The following AFAP1 variants were observed in gnomAD, a reference collection of about 807,000 sequenced individuals.
AFAP1 encodes the protein actin filament-associated protein 1.
Under a neutral mutation model 93.9 loss-of-function variants are expected in AFAP1, and 75 were observed. The ratio of observed to expected loss-of-function variants is 0.80; its 90% confidence interval spans 0.66 to 0.97. The LOEUF (loss-of-function observed/expected upper bound fraction) is 0.97. AFAP1 is among the 50% of genes least tolerant of loss of function. The probability of loss-of-function intolerance (pLI) is 0.00; values close to 1 mark genes in which losing one functional copy is unlikely to be tolerated. For missense variants in AFAP1, 1,201 were observed against 1,050.8 expected (o/e 1.14, Z -1.98); for synonymous variants, 517 against 430.7 (o/e 1.20, Z -2.48).
chr4:7,934,207 A>G (rs1721254646), intron 1 of AFAP1, among the ~76,000 whole-genome samples: 2 of 152,188 alleles, frequency 1.3e-5, no homozygotes, highest in African/African-American at 4.8e-5. Flanking sequence ...AAACCTCCCA[A>G]TGCTTGTCTT....
chr4:7,933,286 C>T (rs113450235), intron 1 of AFAP1, among the ~76,000 whole-genome samples: 3,755 of 151,994 alleles, frequency 0.025, 147 homozygotes, highest in African/African-American at 0.084. Flanking sequence ...TTTAAGAGCA[C>T]AGAACTGGCC....
chr4:7,889,090 C>A (rs910316921), intron 1 of AFAP1, among the ~76,000 whole-genome samples: 1 of 152,116 alleles, frequency 6.6e-6, no homozygotes, highest in African/African-American at 2.4e-5. Context: ...TTGTGCCTGC[C>A]ATTAACAAAA....
chr4:7,789,992 G>A (rs1479923389), intron 11 of AFAP1, among the ~76,000 whole-genome samples: 1 of 152,182 alleles, frequency 6.6e-6, no homozygotes, highest in Non-Finnish European at 1.5e-5. Flanking sequence ...TTTCCTGGGA[G>A]AATCTCCATT....
At chr4:7,848,002 T>C (rs181281124) in intron 4 of AFAP1, among the ~76,000 whole-genome samples, 1 of 151,278 alleles carries the variant, frequency 6.6e-6, no homozygotes, top group East Asian at 2.0e-4. Context: ...GATACATGGA[T>C]GGATAGACAG....
At chr4:7,769,199 G>A (rs968845585) in intron 16 of AFAP1, among the ~76,000 whole-genome samples, 191 bp from the exon 17 acceptor site, 2 of 152,214 alleles carry the variant, frequency 1.3e-5, no homozygotes, top group Admixed American at 6.5e-5. Flanking sequence ...CGGCCGGGGG[G>A]CAGAGGCTCC....
chr4:7,772,582 C>G (rs542123635), intron 16 of AFAP1: 4 of 527,970 alleles, frequency 7.6e-6, no homozygotes, highest in East Asian at 6.3e-5. Flanking sequence ...GGGAAAGACA[C>G]AGACTCAGCA....
At chr4:7,872,707 T>A (rs1717150407) in intron 1 of AFAP1, among the ~76,000 whole-genome samples, 1 of 152,102 alleles carries the variant, frequency 6.6e-6, no homozygotes, top group Admixed American at 6.5e-5. Flanking sequence ...TAGATGATGA[T>A]CTTAGCCTCT....
chr4:7,808,056 T>C (rs1358053180), intron 9 of AFAP1, among the ~76,000 whole-genome samples: 1 of 152,212 alleles, frequency 6.6e-6, no homozygotes, highest in Non-Finnish European at 1.5e-5. Flanking sequence ...ACCTTGGATA[T>C]AACGGGTGCT....
rs10937862 is a variant in AFAP1 at position 7,795,195 on chromosome 4, A to C, written c.1267-1369T>G. ...TTTTATGTTGAGAAATTGGCTAGTG[A>C]TATTTTCCATATAACAAATCATTAC... is the stretch of plus-strand genomic sequence containing the variant. On this transcript the variant is annotated intron_variant, in intron 10 of 17. Coordinates refer to ENST00000420658, the MANE Select transcript of AFAP1 (RefSeq NM_001134647.2). Among the ~76,000 whole-genome samples, 3 of 151,994 alleles carry C rather than the reference A, an allele frequency of 2.0e-5. No homozygotes were observed. In the South Asian group the frequency reaches 6.2e-4, roughly 32 times the overall value.
intron 17 of AFAP1, among the ~76,000 whole-genome samples, chr4:7,765,371 C>T (rs77371062): frequency 0.033 from 4,957 of 152,326 alleles, 118 homozygotes; most frequent in Non-Finnish European, 0.051. Context: ...CTGTGCCCCT[C>T]GTCCTGACTC....
chr4:7,816,174 A>C, intron 7 of AFAP1, 75 bp from the exon 8 acceptor site: 1 of 1,260,480 alleles, frequency 7.9e-7, no homozygotes, highest in Non-Finnish European at 1.1e-6. Flanking sequence ...ATCAACCAAA[A>C]GTTATCTCAA....
At chr4:7,847,305 A>T (rs1477487784) in intron 4 of AFAP1, among the ~76,000 whole-genome samples, 1 of 152,178 alleles carries the variant, frequency 6.6e-6, no homozygotes, top group Non-Finnish European at 1.5e-5. Flanking sequence ...CTCTCCGGAA[A>T]GTATGCTTAG....
chr4:7,815,884 A>G (rs752370642), intron 8 of AFAP1, 134 bp downstream of exon 8: 4 of 708,848 alleles, frequency 5.6e-6, no homozygotes, highest in Non-Finnish European at 9.0e-6. Context: ...ATCCTCTGCC[A>G]TGATGACGAT....
intron 1 of AFAP1, among the ~76,000 whole-genome samples, chr4:7,925,982 A>T (rs1450189113): frequency 6.6e-6 from 1 of 152,232 alleles, no homozygotes; most frequent in Non-Finnish European, 1.5e-5. Flanking sequence ...CCACATGTAA[A>T]ATAGCTGACA....
chr4:7,886,675 C>G (rs2149202254), intron 1 of AFAP1, among the ~76,000 whole-genome samples: 1 of 152,246 alleles, frequency 6.6e-6, no homozygotes, highest in Admixed American at 6.5e-5. Flanking sequence ...AAATATCCTT[C>G]TATTGTTCTG....
In AFAP1 at chr4:7,815,083, A is replaced by G. The variant is rs908844285; in HGVS notation, c.904+935T>C. The stretch of plus-strand genomic sequence containing the variant: ...GGAATATTATTCAGCCTTAAAAAGG[A>G]AAGAAATTCTGACACAGGCCACACC... On this transcript the variant is annotated intron_variant, in intron 8 of 17. Coordinates refer to ENST00000420658, the MANE Select transcript of AFAP1 (RefSeq NM_001134647.2). Among the ~76,000 whole-genome samples, 18 of 152,282 alleles carry G rather than the reference A, an allele frequency of 1.2e-4. No individual in the cohort carries two copies. In the South Asian group the frequency reaches 2.9e-3, roughly 25 times the overall value.
intron 1 of AFAP1, among the ~76,000 whole-genome samples, chr4:7,889,535 T>G (rs1261963483): frequency 6.3e-5 from 6 of 95,618 alleles, no homozygotes; most frequent in Non-Finnish European, 1.9e-5. Context: ...CCTGGGCAAC[T>G]CCATCCCAAA....
intron 1 of AFAP1, among the ~76,000 whole-genome samples, chr4:7,886,210 T>C (rs982202422): frequency 3.9e-5 from 6 of 152,216 alleles, no homozygotes; most frequent in Non-Finnish European, 8.8e-5. Flanking sequence ...TGATTCCCAG[T>C]TCCGTAATGT....
intron 10 of AFAP1, among the ~76,000 whole-genome samples, chr4:7,795,916 G>A (rs1338996038): frequency 2.0e-5 from 3 of 152,186 alleles, no homozygotes; most frequent in African/African-American, 7.2e-5. Context: ...ATACTGTGGT[G>A]TTGGAGGTAT....
Sources: gnomAD v4.1 joint callset for allele counts (sites outside exome capture counted in the v4.1 genomes callset) on GRCh38, gnomAD v4.1.1 for gene constraint, MANE v1.5 for transcripts, NCBI Gene and HGNC (gene_info 2026-07-23, HGNC 2026-07-21) for gene names.